The following RAB6A variants were observed in gnomAD, a reference collection of about 807,000 sequenced individuals.
RAB6A encodes ras-related protein Rab-6A.
In RAB6A, 8 loss-of-function variants were observed where a neutral mutation model predicts 32.3. That is an observed-to-expected ratio of 0.25 (90% confidence interval 0.15 to 0.45). RAB6A has a LOEUF of 0.45. RAB6A is among the 20% of genes least tolerant of loss of function. The probability of loss-of-function intolerance (pLI) is 1.00; values close to 1 mark genes in which losing one functional copy is unlikely to be tolerated. For missense variants in RAB6A, 104 were observed against 249.4 expected, an observed-to-expected ratio of 0.42 and a Z score of 3.93; for synonymous variants, 73 against 82.1, an observed-to-expected ratio of 0.89 and a Z score of 0.60.
At chr11:73,760,535 G>C (rs1349205076) in intron 1 of RAB6A, 31 bp downstream of exon 1, 1 of 1,581,038 alleles carries the variant, frequency 6.3e-7, no homozygotes, top group South Asian at 1.1e-5. Context: ...GCTGCGGCCA[G>C]CTGCCAGGAG....
At chr11:73,741,467 G>A (rs1050619748) in intron 1 of RAB6A, among the ~76,000 whole-genome samples, 3 of 151,630 alleles carry the variant, frequency 2.0e-5, no homozygotes, top group East Asian at 1.9e-4. Flanking sequence ...ATGATCCAGC[G>A]ACCATGCTCC....
intron 6 of RAB6A, among the ~76,000 whole-genome samples, chr11:73,680,200 T>C (rs1387184260): frequency 6.6e-6 from 1 of 152,208 alleles, no homozygotes; most frequent in African/African-American, 2.4e-5. Flanking sequence ...TATAAAGACA[T>C]GATTCCTGTT....
chr11:73,743,295 ACT>A (rs1406742440), intron 1 of RAB6A, among the ~76,000 whole-genome samples: 3 of 144,400 alleles, frequency 2.1e-5, no homozygotes, highest in Non-Finnish European at 4.5e-5. Flanking sequence ...ACAGAGCGAA[ACT>A]CTGTCTCAAA....
chr11:73,724,284 ACAT>A (rs1176990075), intron 2 of RAB6A, among the ~76,000 whole-genome samples: 3 of 152,198 alleles, frequency 2.0e-5, no homozygotes, highest in Non-Finnish European at 4.4e-5. Context: ...ATTAGTTCGA[ACAT>A]CAAAGTACAT....
intron 1 of RAB6A, among the ~76,000 whole-genome samples, chr11:73,732,484 G>A (rs910904275): frequency 9.9e-5 from 15 of 152,170 alleles, no homozygotes; most frequent in African/African-American, 2.7e-4. Flanking sequence ...TACTTGGGAC[G>A]CTGAGGCAGG....
At chr11:73,723,664 T>TC (rs1441272423) in intron 2 of RAB6A, among the ~76,000 whole-genome samples, 1 of 152,116 alleles carries the variant, frequency 6.6e-6, no homozygotes, top group Non-Finnish European at 1.5e-5. Context: ...CTAGGCACCA[T>TC]CATTAGCAGC....
In RAB6A at chr11:73,708,613, GA is replaced by G. The variant is rs566754094; in HGVS notation, c.402-1101del. 1.4e-3 allele frequency among the ~76,000 whole-genome samples: 211 copies of G among 152,278 alleles called. 1 individual carries two copies. Among genetic ancestry groups the G allele is most frequent in the African/African-American group, 5.0e-3 (207 of 41,544 alleles). ...ATTAGCACTATGTCTCAAATTGTGA[GA>G]TCTCAAGTGCAAGATTATGTCATTT... On this transcript the variant is annotated intron_variant, in intron 5 of 7. Transcript: ENST00000336083.
Position 73,759,467 on chromosome 11 carries a change from A to G in RAB6A, c.70+1099T>C, listed in dbSNP as rs61261739. ...AACAATTTCACTCATCAGACAGTAC[A>G]GAATATTAAGCATAAAAGAATTATT... On this transcript the variant is annotated intron_variant, in intron 1 of 7. Coordinates refer to ENST00000336083, the MANE Select transcript of RAB6A (RefSeq NM_198896.2). 3.8e-3 allele frequency among the ~76,000 whole-genome samples: 573 copies of G among 152,350 alleles called. 4 individuals carry two copies. Among genetic ancestry groups the G allele is most frequent in the African/African-American group, 0.013 (545 of 41,576 alleles).
intron 7 of RAB6A, among the ~76,000 whole-genome samples, chr11:73,678,249 T>C (rs180916315): frequency 6.6e-6 from 1 of 152,226 alleles, no homozygotes; most frequent in South Asian, 2.1e-4. Flanking sequence ...ATGTTCCTCA[T>C]AGAATCATCT....
intron 1 of RAB6A, among the ~76,000 whole-genome samples, chr11:73,751,927 C>T (rs1946674701): frequency 2.0e-5 from 3 of 152,116 alleles, no homozygotes; most frequent in Admixed American, 6.6e-5. Flanking sequence ...CACAAACCCA[C>T]ACAAGAGCAT....
chr11:73,736,995 A>AAAG (rs1565372834), intron 1 of RAB6A, among the ~76,000 whole-genome samples: 10 of 149,524 alleles, frequency 6.7e-5, no homozygotes, highest in East Asian at 2.0e-4. Context: ...AAAAAAAAAA[A>AAAG]AAGAAGAAAG....
intron 6 of RAB6A, among the ~76,000 whole-genome samples, chr11:73,701,116 T>A (rs1945738056): frequency 6.6e-6 from 1 of 152,088 alleles, no homozygotes; most frequent in Non-Finnish European, 1.5e-5. Flanking sequence ...GGAAGAGGAA[T>A]CCAGTTAGAT....
chr11:73,714,227 T>TATATATATAC (rs1555059819), intron 5 of RAB6A, among the ~76,000 whole-genome samples: 1 of 140,960 alleles, frequency 7.1e-6, no homozygotes, highest in Non-Finnish European at 1.5e-5. Flanking sequence ...TATATATATA[T>TATATATATAC]ATACACACAT....
intron 1 of RAB6A, among the ~76,000 whole-genome samples, chr11:73,740,786 G>T (rs991694468): frequency 2.6e-5 from 4 of 151,828 alleles, no homozygotes; most frequent in Non-Finnish European, 4.4e-5. Context: ...ACTCGGGGGG[G>T]CTGAGGCAGG....
At chr11:73,726,531 G>A (rs1289548001) in intron 2 of RAB6A, among the ~76,000 whole-genome samples, 13 of 126,498 alleles carry the variant, frequency 1.0e-4, no homozygotes, top group Admixed American at 9.8e-5. Context: ...GCAGTGAGCC[G>A]AGATTGTGCC....
intron 6 of RAB6A, among the ~76,000 whole-genome samples, chr11:73,683,206 T>C (rs757278153): frequency 1.3e-5 from 2 of 151,942 alleles, no homozygotes; most frequent in African/African-American, 4.8e-5. Flanking sequence ...ACATTTTTTA[T>C]TTTTGTATAC....
chr11:73,752,269 C>G (rs1160850396), intron 1 of RAB6A, among the ~76,000 whole-genome samples: 1 of 152,084 alleles, frequency 6.6e-6, no homozygotes, highest in Non-Finnish European at 1.5e-5. Flanking sequence ...ACCAGTCTGA[C>G]AAACAGTGAA....
At chr11:73,723,268 T>C (rs1946169207) in intron 2 of RAB6A, among the ~76,000 whole-genome samples, 1 of 150,596 alleles carries the variant, frequency 6.6e-6, no homozygotes, top group African/African-American at 2.5e-5. Flanking sequence ...TGAACTCTAT[T>C]CCTTCCAAAT....
rs1252116434 is a variant in RAB6A, at chr11:73,722,303, GTGTATATATATA to G, written c.130-1416_130-1405del. The G allele has an allele frequency of 9.5e-3, 132 of 13,896 alleles. 1 individual carries two copies. Among genetic ancestry groups the G allele is most frequent in the African/African-American group, 0.027 (125 of 4,686 alleles). The allele number at this position is 13,896 out of a possible 1,614,324, so 0.9% of individuals were successfully genotyped here. A position where few individuals can be genotyped will look rare whatever the true frequency, so the allele number is the denominator to read the frequency against. On this transcript the variant is annotated intron_variant, in intron 2 of 7. Coordinates refer to ENST00000336083, the MANE Select transcript of RAB6A (RefSeq NM_198896.2). ...ATAAAATTCAAATATATATGTGTGT[GTGTATATATATA>G]TATATATATATATATATATATATAT...
Sources: allele counts gnomAD v4.1 joint callset (sites outside exome capture counted in the v4.1 genomes callset), GRCh38; gene constraint gnomAD v4.1.1; transcripts MANE v1.5; gene names NCBI Gene and HGNC (gene_info 2026-07-23, HGNC 2026-07-21).